CBLN2: variants seen among roughly 807,000 people sequenced by gnomAD.
CBLN2 encodes cerebellin 2 precursor, also known as cerebellin-2.
Under a neutral mutation model 15.0 loss-of-function variants are expected in CBLN2, and 7 were observed. That is an observed-to-expected ratio of 0.47 (90% confidence interval 0.27 to 0.88). CBLN2 has a LOEUF of 0.88. CBLN2 is among the 40% of genes least tolerant of loss of function. The probability of loss-of-function intolerance (pLI) is 0.14; values close to 1 mark genes in which losing one functional copy is unlikely to be tolerated. For missense variants in CBLN2, 242 were observed against 304.5 expected, an observed-to-expected ratio of 0.79 and a Z score of 1.53; for synonymous variants, 149 against 135.2, an observed-to-expected ratio of 1.10 and a Z score of -0.71.
intron 1 of CBLN2, among the ~76,000 whole-genome samples, chr18:72,601,419 G>A (rs1429877544): frequency 6.6e-6 from 1 of 150,930 alleles, no homozygotes; most frequent in Admixed American, 6.6e-5. Context: ...TGTATGCCAT[G>A]TGCCACAATT....
At chr18:72,545,169 T>C (rs2069149410), upstream of CBLN2, among the ~76,000 whole-genome samples, 1 of 152,172 alleles carries the variant, frequency 6.6e-6, no homozygotes, top group Admixed American at 6.5e-5. Flanking sequence ...ATAGGCCCTC[T>C]CACCGCTATT....
chr18:72,603,388 T>C (rs986224993), intron 1 of CBLN2, among the ~76,000 whole-genome samples: 3 of 152,222 alleles, frequency 2.0e-5, no homozygotes, highest in Non-Finnish European at 4.4e-5. Context: ...TCCCTTTTTT[T>C]TCTCCTAACA....
At chr18:72,626,586 GCT>G (rs1275295267) in intron 1 of CBLN2, among the ~76,000 whole-genome samples, 9 of 152,110 alleles carry the variant, frequency 5.9e-5, no homozygotes, top group African/African-American at 2.2e-4. Flanking sequence ...TGTAATCCCA[GCT>G]ACTCGGGAGG....
Position 72,538,322 on chromosome 18 carries a change from G to A in CBLN2, c.529C>T (p.Gln177Ter), listed in dbSNP as rs1178596993. ...YPVISAFAGD[Q>*]DVTREAASNG... ...CTAGCAGCTTCTCTGGTGACATCCT[G>A]GTCTCCTGCAAAGGCCGAGATCACT... The change falls in exon 5 of 5, where the codon CAG becomes TAG. Residue 177 changes from glutamine to a stop codon, truncating the protein, a stop_gained. Coordinates refer to ENST00000269503, the MANE Select transcript of CBLN2 (RefSeq NM_182511.4). LOFTEE classifies it high-confidence loss of function. 1 of 1,614,072 alleles carries A rather than the reference G, an allele frequency of 6.2e-7. No individual in the cohort carries two copies.
chr18:72,587,521 C>T (rs2069452005), intron 1 of CBLN2, among the ~76,000 whole-genome samples: 1 of 152,002 alleles, frequency 6.6e-6, no homozygotes, highest in African/African-American at 2.4e-5. Flanking sequence ...TAAAAAAAGA[C>T]TACAAAGTTA....
chr18:72,624,813 A>G (rs1275533694), intron 1 of CBLN2, among the ~76,000 whole-genome samples: 2 of 152,268 alleles, frequency 1.3e-5, no homozygotes, highest in South Asian at 2.1e-4. Context: ...GCACCTTGCA[A>G]TTTCTTTTTA....
intron 1 of CBLN2, among the ~76,000 whole-genome samples, chr18:72,634,484 A>C (rs915318673): frequency 6.6e-6 from 1 of 152,136 alleles, no homozygotes; most frequent in African/African-American, 2.4e-5. Context: ...TATTAAAATT[A>C]TAATATAAAT....
chr18:72,545,736 C>T (rs376194621), upstream of CBLN2, among the ~76,000 whole-genome samples: 64 of 152,326 alleles, frequency 4.2e-4, no homozygotes, highest in Admixed American at 1.6e-3. Context: ...GAGACACAGA[C>T]ATAATTAGAC....
At chr18:72,588,268 C>T (rs917942444) in intron 1 of CBLN2, among the ~76,000 whole-genome samples, 1 of 152,220 alleles carries the variant, frequency 6.6e-6, no homozygotes, top group Non-Finnish European at 1.5e-5. Context: ...TTGATACTGA[C>T]CTCCAAAACA....
intron 1 of CBLN2, chr18:72,618,539 GA>G: frequency 1.4e-6 from 1 of 721,494 alleles, no homozygotes. Flanking sequence ...GCTGTCTCAA[GA>G]AAAGTTTCTC....
intron 1 of CBLN2, among the ~76,000 whole-genome samples, chr18:72,556,034 G>T (rs1227430094): frequency 6.6e-6 from 1 of 152,120 alleles, no homozygotes; most frequent in Non-Finnish European, 1.5e-5. Context: ...GATGGCAGGT[G>T]CTCCATTAGT....
intron 1 of CBLN2, among the ~76,000 whole-genome samples, chr18:72,566,003 A>G (rs1284589668): frequency 6.6e-6 from 1 of 152,220 alleles, no homozygotes; most frequent in Non-Finnish European, 1.5e-5. Flanking sequence ...TTAAATGAGC[A>G]AAAGAGCTAA....
At chr18:72,594,001 G>C (rs1473501299) in intron 1 of CBLN2, among the ~76,000 whole-genome samples, 1 of 152,098 alleles carries the variant, frequency 6.6e-6, no homozygotes, top group East Asian at 1.9e-4. Flanking sequence ...GATGAAGCTG[G>C]AAACCACCAT....
chr18:72,572,619 A>G (rs2069339464), intron 1 of CBLN2, among the ~76,000 whole-genome samples: 1 of 151,996 alleles, frequency 6.6e-6, no homozygotes, highest in Non-Finnish European at 1.5e-5. Context: ...GGGTCTCACT[A>G]TATTGCCTAG....
intron 1 of CBLN2, among the ~76,000 whole-genome samples, chr18:72,572,033 T>C (rs987528512): frequency 6.6e-6 from 1 of 152,224 alleles, no homozygotes; most frequent in Middle Eastern, 3.2e-3. Context: ...AATTTTAACA[T>C]TGAGACTGTG....
intron 1 of CBLN2, among the ~76,000 whole-genome samples, chr18:72,601,386 G>T (rs938988891): frequency 6.6e-6 from 1 of 152,108 alleles, no homozygotes; most frequent in Non-Finnish European, 1.5e-5. Context: ...CAGGTAGATA[G>T]AAAGGTTGAG....
chr18:72,583,118 T>C (rs1292831990), intron 1 of CBLN2, among the ~76,000 whole-genome samples: 1 of 152,150 alleles, frequency 6.6e-6, no homozygotes, highest in Non-Finnish European at 1.5e-5. Context: ...GGACTAGACC[T>C]GCCAGGACAA....
At chr18:72,638,355 A>G (rs543245407) in exon 1 of CBLN2, 55 of 398,608 alleles carry the variant, frequency 1.4e-4, no homozygotes, top group African/African-American at 9.6e-4. Flanking sequence ...TACTCACAGA[A>G]AATGAAAATA....
At chr18:72,561,645 A>C (rs1417039069) in intron 1 of CBLN2, among the ~76,000 whole-genome samples, 1 of 152,228 alleles carries the variant, frequency 6.6e-6, no homozygotes, top group African/African-American at 2.4e-5. Context: ...AGCAGCAGAA[A>C]TTATCACACC....
Sources: gnomAD v4.1 joint callset for allele counts (sites outside exome capture counted in the v4.1 genomes callset) on GRCh38, gnomAD v4.1.1 for gene constraint, MANE v1.5 for transcripts, NCBI Gene and HGNC (gene_info 2026-07-23, HGNC 2026-07-21) for gene names.